Variants in IQCJ observed in about 807,000 individuals in gnomAD.
IQCJ encodes the protein IQ domain-containing protein J.
A neutral mutation model predicts 11.0 loss-of-function variants in IQCJ; 9 were observed. The ratio of observed to expected loss-of-function variants is 0.82; its 90% CI spans 0.49 to 1.43. The LOEUF (loss-of-function observed/expected upper bound fraction) is 1.43, where lower values mean the gene tolerates loss of function less well. Ranked by LOEUF, IQCJ falls within the 40% of genes most tolerant of loss-of-function variation. IQCJ has a pLI of 0.00. For synonymous variants in IQCJ, 55 were observed against 51.3 expected (o/e 1.07, Z -0.31); for missense variants, 146 against 133.2 (o/e 1.10, Z -0.47).
chr3:159,244,606 G>A (rs1304365701), intron 1 of IQCJ, among the ~76,000 whole-genome samples: 2 of 152,132 alleles, frequency 1.3e-5, no homozygotes, highest in Non-Finnish European at 2.9e-5. Context: ...ATAATTAAGG[G>A]TATATTCAAA....
At chr3:159,227,636 A>G (rs568976862) in intron 1 of IQCJ, among the ~76,000 whole-genome samples, 2 of 152,338 alleles carry the variant, frequency 1.3e-5, no homozygotes, top group African/African-American at 4.8e-5. Flanking sequence ...TATTAGCTAG[A>G]CGGAGCATAT....
chr3:159,151,023 T>C (rs1007636175), intron 1 of IQCJ, among the ~76,000 whole-genome samples: 1 of 152,154 alleles, frequency 6.6e-6, no homozygotes, highest in African/African-American at 2.4e-5. Flanking sequence ...TGTGTGGGAA[T>C]GCAGGTGGGA....
chr3:159,113,769 T>A (rs1472068233), intron 1 of IQCJ, among the ~76,000 whole-genome samples: 1 of 152,208 alleles, frequency 6.6e-6, no homozygotes, highest in Non-Finnish European at 1.5e-5. Context: ...TACTGCTTAC[T>A]CCATGATCTC....
intron 1 of IQCJ, among the ~76,000 whole-genome samples, chr3:159,177,056 G>A (rs1722837266): frequency 3.9e-5 from 6 of 152,184 alleles, no homozygotes; most frequent in Admixed American, 3.9e-4. Flanking sequence ...GATCCCAAAA[G>A]ATCCTGCTAG....
In IQCJ at chr3:159,114,112, T is replaced by C. The variant is rs565096624; in HGVS notation, c.9+44671T>C. 2.0e-5 allele frequency among the ~76,000 whole-genome samples: 3 copies of C among 152,244 alleles called. No individual in the cohort carries two copies. In the East Asian group the frequency reaches 5.8e-4, roughly 29 times the overall value. ...TTAGTGTAAAATTGGCACTTGCTAA[T>C]TTGCTGACCTGATTTTTCTGAGTTG... On this transcript the variant is annotated intron_variant, in intron 1 of 3. Transcript: ENST00000397832.
chr3:159,178,297 A>T (rs2108008658), intron 1 of IQCJ, among the ~76,000 whole-genome samples: 1 of 152,272 alleles, frequency 6.6e-6, no homozygotes, highest in Non-Finnish European at 1.5e-5. Flanking sequence ...GCTAAGATAT[A>T]TTGCACATCT....
intron 1 of IQCJ, among the ~76,000 whole-genome samples, chr3:159,149,076 G>A (rs1645265193): frequency 6.6e-6 from 1 of 152,080 alleles, no homozygotes; most frequent in Non-Finnish European, 1.5e-5. Flanking sequence ...ATAAACAAAT[G>A]ACTAATTTGC....
At chr3:159,078,949 C>T (rs1576988465) in intron 1 of IQCJ, among the ~76,000 whole-genome samples, 1 of 152,072 alleles carries the variant, frequency 6.6e-6, no homozygotes, top group East Asian at 1.9e-4. Context: ...GGTCAATAAA[C>T]ACCCATGGCA....
At chr3:159,214,664 A>G (rs1290817687) in intron 1 of IQCJ, among the ~76,000 whole-genome samples, 1 of 152,154 alleles carries the variant, frequency 6.6e-6, no homozygotes, top group African/African-American at 2.4e-5. Context: ...CCAGCCCTAT[A>G]ACATAGGCCC....
intron 1 of IQCJ, among the ~76,000 whole-genome samples, chr3:159,121,288 C>T (rs563421333): frequency 1.8e-4 from 28 of 152,054 alleles, no homozygotes; most frequent in African/African-American, 6.3e-4. Context: ...CATGCATTAC[C>T]ATGCCCGGCT....
intron 1 of IQCJ, among the ~76,000 whole-genome samples, chr3:159,072,267 G>A (rs1451324116): frequency 3.9e-5 from 6 of 152,052 alleles, no homozygotes; most frequent in Admixed American, 3.9e-4. Context: ...AGTTAGGGTG[G>A]GGAGGGCATG....
Position 159,262,939 on chromosome 3 carries a change from A to C in IQCJ, c.*208A>C. On this transcript the variant is annotated 3_prime_UTR_variant, in exon 4 of 4. Transcript: ENST00000397832. ...ATTTATGTGTTCTCATTTCTCTATTATGGAGGTATCTTTTTTGCTTTTCTT... is the reference window on the plus strand; with the variant it reads ...ATTTATGTGTTCTCATTTCTCTATTCTGGAGGTATCTTTTTTGCTTTTCTT... The C allele has an allele frequency of 7.6e-7, 1 of 1,312,240 alleles. No individual in the cohort carries two copies. The highest frequency in any genetic ancestry group is 9.7e-7 in the Non-Finnish European group (1 of 1,030,802). 81.3% of individuals were successfully genotyped at this position (1,312,240 alleles called of 1,614,324 possible).
At chr3:159,188,946 C>A (rs898834040) in intron 1 of IQCJ, among the ~76,000 whole-genome samples, 6 of 152,122 alleles carry the variant, frequency 3.9e-5, no homozygotes, top group Admixed American at 3.9e-4. Context: ...CCAGAGGGGA[C>A]AGTGCTCTGA....
At chr3:159,164,757 G>C (rs1577053935) in intron 1 of IQCJ, among the ~76,000 whole-genome samples, 3 of 152,150 alleles carry the variant, frequency 2.0e-5, no homozygotes, top group African/African-American at 7.2e-5. Flanking sequence ...GACAGAGAGA[G>C]ACTCCATCCC....
intron 1 of IQCJ, among the ~76,000 whole-genome samples, chr3:159,189,747 G>C (rs1004700212): frequency 6.6e-6 from 1 of 152,204 alleles, no homozygotes; most frequent in African/African-American, 2.4e-5. Flanking sequence ...GCCGTCACTA[G>C]TCGTTCCCCT....
chr3:159,260,029 A>G (rs1341283994), intron 3 of IQCJ, among the ~76,000 whole-genome samples: 1 of 152,258 alleles, frequency 6.6e-6, no homozygotes, highest in East Asian at 1.9e-4. Context: ...TTTTAAAAGT[A>G]CTTAATATTG....
intron 1 of IQCJ, among the ~76,000 whole-genome samples, chr3:159,228,370 C>T (rs1039801025): frequency 1.3e-5 from 2 of 152,092 alleles, no homozygotes; most frequent in African/African-American, 4.8e-5. Flanking sequence ...CAATGTTGTT[C>T]GCCTACTTGT....
At chr3:159,080,143 A>G (rs1037432653) in intron 1 of IQCJ, among the ~76,000 whole-genome samples, 54 of 152,278 alleles carry the variant, frequency 3.5e-4, no homozygotes, top group Non-Finnish European at 5.7e-4. Flanking sequence ...CAAACACAAT[A>G]TATCTTAAGA....
chr3:159,165,452 T>G (rs1722110109), intron 1 of IQCJ, among the ~76,000 whole-genome samples: 1 of 152,198 alleles, frequency 6.6e-6, no homozygotes, highest in African/African-American at 2.4e-5. Flanking sequence ...GGACTTTGGT[T>G]TATCCCTCAG....
Sources: allele counts gnomAD v4.1 joint callset (sites outside exome capture counted in the v4.1 genomes callset), GRCh38; gene constraint gnomAD v4.1.1; transcripts MANE v1.5; gene names NCBI Gene and HGNC (gene_info 2026-07-23, HGNC 2026-07-21).